RANBP17: variants seen among roughly 807,000 people sequenced by gnomAD.
RANBP17 encodes the protein RAN binding protein 17, also known as ran-binding protein 17.
A neutral mutation model predicts 141.2 loss-of-function variants in RANBP17; 158 were observed. That is an observed-to-expected ratio of 1.12 (90% CI 0.98 to 1.28). The LOEUF is 1.28. Among genes scored for constraint, RANBP17 ranks in the 50% most tolerant of loss-of-function variants. RANBP17 has a pLI of 0.00. For missense variants in RANBP17, 1,438 were observed against 1,290.7 expected (o/e 1.11, Z -1.75); for synonymous variants, 430 against 450.0 (o/e 0.96, Z 0.56).
At chr5:170,987,221 A>G (rs914577469) in intron 14 of RANBP17, among the ~76,000 whole-genome samples, 3 of 151,758 alleles carry the variant, frequency 2.0e-5, no homozygotes, top group South Asian at 4.1e-4. Flanking sequence ...CTTTAAGATT[A>G]TATGTTGAAG....
Position 171,299,724 on chromosome 5 carries a change from G to A in RANBP17, c.*866G>A, listed in dbSNP as rs1769019477. On this transcript the variant is annotated 3_prime_UTR_variant, in exon 28 of 28. Coordinates refer to ENST00000523189, the MANE Select transcript of RANBP17 (RefSeq NM_022897.5). ...AGGTGCTAAAATTCAGATTTTCAGAGGATGAGAAATAGCTGGTTTCCAACT... is the reference window on the plus strand; with the variant it reads ...AGGTGCTAAAATTCAGATTTTCAGAAGATGAGAAATAGCTGGTTTCCAACT... 4.4e-6 allele frequency: 1 copy of A among 226,966 alleles called. No individual in the cohort carries two copies. Among genetic ancestry groups the A allele is most frequent in the Non-Finnish European group, 8.8e-6 (1 of 114,106 alleles). The allele number at this position is 226,966 out of a possible 1,614,324, so 14.1% of individuals were successfully genotyped here. A position where few individuals can be genotyped will look rare whatever the true frequency, so the allele number is the denominator to read the frequency against.
Position 171,294,070 on chromosome 5 carries a change from G to A in RANBP17, c.3042+89G>A. The A allele has an allele frequency of 3.2e-6, 3 of 948,352 alleles. No homozygotes were observed. In the South Asian group the frequency reaches 3.9e-5, roughly 12 times the overall value. The allele number at this position is 948,352 out of a possible 1,614,324, so 58.7% of individuals were successfully genotyped here. Reference sequence around the variant, plus strand: ...GGGTGAGCTGTGATGACGAAGGACAGAGGAGCAGAGCCAATTGAATTTGAA... The same window carrying A: ...GGGTGAGCTGTGATGACGAAGGACAAAGGAGCAGAGCCAATTGAATTTGAA... On this transcript the variant is annotated intron_variant, in intron 26 of 27. Transcript: ENST00000523189.
intron 14 of RANBP17, among the ~76,000 whole-genome samples, chr5:171,157,011 C>T (rs1758948766): frequency 6.6e-6 from 1 of 152,126 alleles, no homozygotes; most frequent in Non-Finnish European, 1.5e-5. Flanking sequence ...AAGATTTGAA[C>T]CTGTCTCACA....
At chr5:170,915,388 TC>T (rs1771864858) in intron 8 of RANBP17, among the ~76,000 whole-genome samples, 1 of 151,988 alleles carries the variant, frequency 6.6e-6, no homozygotes, top group Non-Finnish European at 1.5e-5. Flanking sequence ...CTAAGTGACT[TC>T]CCCCAGGGCA....
intron 14 of RANBP17, among the ~76,000 whole-genome samples, chr5:170,976,026 T>TA (rs777739928): frequency 5.0e-4 from 74 of 147,780 alleles, no homozygotes; most frequent in South Asian, 1.3e-3. Context: ...CATCCAGATT[T>TA]AAAAAAAAAA....
At chr5:170,930,933 G>A (rs1368619950) in intron 12 of RANBP17, among the ~76,000 whole-genome samples, 1 of 152,138 alleles carries the variant, frequency 6.6e-6, no homozygotes, top group African/African-American at 2.4e-5. Flanking sequence ...CCCAGTAATG[G>A]GATGACTGGG....
chr5:171,184,071 G>C (rs888840057), intron 18 of RANBP17, among the ~76,000 whole-genome samples: 7 of 152,138 alleles, frequency 4.6e-5, no homozygotes, highest in African/African-American at 1.7e-4. Flanking sequence ...CAGTGTAGAG[G>C]ATCCTCAGAA....
chr5:171,061,918 C>T (rs1358182645), intron 14 of RANBP17, among the ~76,000 whole-genome samples: 1 of 152,048 alleles, frequency 6.6e-6, no homozygotes, highest in East Asian at 1.9e-4. Context: ...ATGTAATGGC[C>T]TTCTTTGTCT....
intron 12 of RANBP17, among the ~76,000 whole-genome samples, chr5:170,926,950 C>CTT (rs1772977846): frequency 6.6e-6 from 1 of 152,000 alleles, no homozygotes; most frequent in Non-Finnish European, 1.5e-5. Context: ...AGAGAGAACT[C>CTT]TTATTTTTTG....
chr5:170,983,805 AGT>A (rs1777933164), intron 14 of RANBP17, among the ~76,000 whole-genome samples: 1 of 152,192 alleles, frequency 6.6e-6, no homozygotes, highest in Admixed American at 6.5e-5. Context: ...CACAGGGGAC[AGT>A]GTATTTAACC....
intron 14 of RANBP17, among the ~76,000 whole-genome samples, chr5:171,162,239 A>G (rs6884588): frequency 0.89 from 136,105 of 152,210 alleles, 61,044 homozygotes; most frequent in East Asian, 1. Context: ...CATGGAGTGA[A>G]TTGGCAGCCA....
In RANBP17 at chr5:171,121,720, G is replaced by GC; in HGVS notation, c.1711-48409dup. Among the ~76,000 whole-genome samples, 3 of 152,244 alleles carry GC rather than the reference G, an allele frequency of 2.0e-5. No individual in the cohort carries two copies. The East Asian group carries it at 5.8e-4, about 29-fold the overall frequency. ...GAGTCACTGCCACTCCTGGGACCAG[G>GC]CTCCATGCAACTAGGTTTGTGGTGT... On this transcript the variant is annotated intron_variant, in intron 14 of 27. Transcript: ENST00000523189.
intron 14 of RANBP17, among the ~76,000 whole-genome samples, chr5:171,058,837 T>C (rs1459104222): frequency 4.7e-5 from 7 of 149,906 alleles, no homozygotes; most frequent in Non-Finnish European, 8.9e-5. Flanking sequence ...TTTCCTGACT[T>C]TTTAATGATT....
At chr5:171,122,029 G>A (rs1460633301) in intron 14 of RANBP17, among the ~76,000 whole-genome samples, 1 of 152,202 alleles carries the variant, frequency 6.6e-6, no homozygotes, top group Non-Finnish European at 1.5e-5. Context: ...AGTAAGGACT[G>A]CCATTGTTTT....
chr5:171,197,552 A>G (rs1318532399), intron 18 of RANBP17, among the ~76,000 whole-genome samples: 1 of 152,218 alleles, frequency 6.6e-6, no homozygotes, highest in Non-Finnish European at 1.5e-5. Context: ...CATAGAAGCT[A>G]ATCCGAAGAT....
chr5:171,105,482 A>T (rs1371989028), intron 14 of RANBP17, among the ~76,000 whole-genome samples: 1 of 151,802 alleles, frequency 6.6e-6, no homozygotes, highest in African/African-American at 2.4e-5. Context: ...AGGATCACTT[A>T]AGCCCAGAGT....
chr5:170,988,927 G>A (rs1440678708), intron 14 of RANBP17, among the ~76,000 whole-genome samples: 4 of 151,792 alleles, frequency 2.6e-5, no homozygotes, highest in African/African-American at 9.7e-5. Flanking sequence ...TTTGTAAGAT[G>A]AAGATGGGAA....
At chr5:170,871,109 C>T (rs1581013532) in intron 1 of RANBP17, among the ~76,000 whole-genome samples, 1 of 152,050 alleles carries the variant, frequency 6.6e-6, no homozygotes, top group Admixed American at 6.6e-5. Flanking sequence ...AGTGCAATGG[C>T]ACAATCTTGG....
At chr5:171,270,510 T>G (rs1161327533) in intron 25 of RANBP17, among the ~76,000 whole-genome samples, 1 of 152,202 alleles carries the variant, frequency 6.6e-6, no homozygotes, top group Non-Finnish European at 1.5e-5. Context: ...TACTACTGAT[T>G]AGTAGCAGAT....
Sources: allele counts gnomAD v4.1 joint callset (sites outside exome capture counted in the v4.1 genomes callset), GRCh38; gene constraint gnomAD v4.1.1; transcripts MANE v1.5; gene names NCBI Gene and HGNC (gene_info 2026-07-23, HGNC 2026-07-21).